The following SNTB2 variants were observed in gnomAD, a reference collection of about 807,000 sequenced individuals.
SNTB2 encodes beta-2-syntrophin.
In SNTB2, 34 loss-of-function variants were observed where a neutral mutation model predicts 46.2. That is an observed-to-expected ratio of 0.74 (90% CI 0.56 to 0.98). The LOEUF (loss-of-function observed/expected upper bound fraction) is 0.98, where lower values mean the gene tolerates loss of function less well. SNTB2 is among the 50% of genes least tolerant of loss of function. The pLI is 0.00. For missense variants in SNTB2, 603 were observed against 731.4 expected, an observed-to-expected ratio of 0.82 and a Z score of 2.02; for synonymous variants, 290 against 312.6, an observed-to-expected ratio of 0.93 and a Z score of 0.76.
chr16:69,206,607 C>G (rs1458465427), intron 1 of SNTB2, among the ~76,000 whole-genome samples: 1 of 150,584 alleles, frequency 6.6e-6, no homozygotes, highest in African/African-American at 2.4e-5. Flanking sequence ...AGGAGAATCG[C>G]TTGAACCTGG....
At chr16:69,189,866 C>T (rs1409264376) in intron 1 of SNTB2, among the ~76,000 whole-genome samples, 1 of 152,160 alleles carries the variant, frequency 6.6e-6, no homozygotes, top group Non-Finnish European at 1.5e-5. Context: ...TAAAATAGGC[C>T]ACGTGTGCTT....
At chr16:69,212,328 G>GTATTTATTTATT (rs71254073) in intron 1 of SNTB2, among the ~76,000 whole-genome samples, 16 of 150,792 alleles carry the variant, frequency 1.1e-4, no homozygotes, top group South Asian at 2.1e-4. Context: ...CTTTGTGTTT[G>GTATTTATTTATT]TATTTATTTA....
chr16:69,295,495 G>A (rs1239099311), intron 5 of SNTB2, among the ~76,000 whole-genome samples: 2 of 151,430 alleles, frequency 1.3e-5, no homozygotes, highest in Admixed American at 6.6e-5. Flanking sequence ...TGATCCACCC[G>A]CCTTGGCCTC....
chr16:69,187,570 AG>A lies in SNTB2; in HGVS notation c.405del (p.Asn136ThrfsTer31). The A allele has an allele frequency of 6.6e-7, 1 of 1,519,662 alleles. No individual in the cohort carries two copies. The highest frequency in any genetic ancestry group is 8.8e-7 in the Non-Finnish European group (1 of 1,136,550). 94.1% of individuals were successfully genotyped at this position (1,519,662 alleles called of 1,614,324 possible). On this transcript the variant is annotated frameshift_variant, in exon 1 of 7. Transcript: ENST00000336278. LOFTEE classifies it high-confidence loss of function. ...GLGISIKGGR[E>X]NRMPILISKI... The stretch of plus-strand genomic sequence containing the variant: ...GGCATCAGCATCAAGGGCGGCCGCG[AG>A]AACCGGATGCCGATCCTCATCTCCA...
intron 5 of SNTB2, among the ~76,000 whole-genome samples, chr16:69,293,804 C>T (rs1397568807): frequency 6.6e-6 from 1 of 152,066 alleles, no homozygotes; most frequent in Non-Finnish European, 1.5e-5. Flanking sequence ...CAATCCAAGG[C>T]ACAGGTGAGG....
At chr16:69,292,422 A>T (rs1258372089) in intron 5 of SNTB2, among the ~76,000 whole-genome samples, 2 of 5,580 alleles carry the variant, frequency 3.6e-4, no homozygotes, top group Non-Finnish European at 5.9e-4. Flanking sequence ...TATATATTAT[A>T]TATATATATA....
chr16:69,193,163 G>A (rs930511265), intron 1 of SNTB2, among the ~76,000 whole-genome samples: 1 of 151,554 alleles, frequency 6.6e-6, no homozygotes, highest in Non-Finnish European at 1.5e-5. Context: ...GGCAGAGGCA[G>A]TAGGATCACT....
At chr16:69,275,236 T>C (rs153046) in intron 4 of SNTB2, among the ~76,000 whole-genome samples, 150,205 of 152,174 alleles carry the variant, frequency 0.99, 74,141 homozygotes, top group Middle Eastern at 1. Flanking sequence ...CTATGCCAGG[T>C]TAATTTTTTA....
rs545276718 is a variant in SNTB2 at position 69,253,179 on chromosome 16, G to A, written c.795-6871G>A. ...CTCCCAAAGTGCTGGGATTACAGGC[G>A]TGAGCCACCACACCTGGCCCCCTTT... On this transcript the variant is annotated intron_variant, in intron 2 of 6. Transcript: ENST00000336278. 5.3e-5 allele frequency among the ~76,000 whole-genome samples: 8 copies of A among 151,688 alleles called. No homozygotes were observed. The South Asian group carries it at 8.4e-4, about 16-fold the overall frequency.
At chr16:69,237,524 A>C (rs1422328642) in intron 1 of SNTB2, among the ~76,000 whole-genome samples, 1 of 152,018 alleles carries the variant, frequency 6.6e-6, no homozygotes, top group Non-Finnish European at 1.5e-5. Context: ...CATCAGGTCA[A>C]GGGAGTGCTT....
chr16:69,278,594 T>C (rs1396528563), intron 4 of SNTB2, among the ~76,000 whole-genome samples: 1 of 152,100 alleles, frequency 6.6e-6, no homozygotes, highest in Admixed American at 6.6e-5. Flanking sequence ...TAGCTGGAAT[T>C]ACAGGTGTGC....
intron 2 of SNTB2, among the ~76,000 whole-genome samples, chr16:69,251,045 C>G (rs542580521): frequency 7.0e-6 from 1 of 142,242 alleles, no homozygotes; most frequent in African/African-American, 2.6e-5. Context: ...GTGGCGGGAT[C>G]TCGGCTCACT....
At chr16:69,223,398 T>C (rs1332472715) in intron 1 of SNTB2, among the ~76,000 whole-genome samples, 1 of 151,546 alleles carries the variant, frequency 6.6e-6, no homozygotes, top group Non-Finnish European at 1.5e-5. Flanking sequence ...TTTCGCCATG[T>C]TGGCCAGGCT....
intron 1 of SNTB2, among the ~76,000 whole-genome samples, chr16:69,211,073 T>C (rs1235952354): frequency 6.6e-6 from 1 of 152,116 alleles, no homozygotes; most frequent in Non-Finnish European, 1.5e-5. Flanking sequence ...AAGCATTCCT[T>C]TCACCTTGGC....
chr16:69,235,750 C>T (rs1567404110), intron 1 of SNTB2: 1 of 1,289,180 alleles, frequency 7.8e-7, no homozygotes, highest in Non-Finnish European at 1.0e-6. Context: ...GCTTTCAGGC[C>T]TATAATGAGG....
chr16:69,271,473 A>G (rs1167209382), intron 4 of SNTB2, among the ~76,000 whole-genome samples: 1 of 152,230 alleles, frequency 6.6e-6, no homozygotes, highest in South Asian at 2.1e-4. Context: ...TGACTTAGTC[A>G]TCTCAGCACT....
intron 2 of SNTB2, among the ~76,000 whole-genome samples, chr16:69,247,721 A>G (rs1314415391): frequency 6.6e-6 from 1 of 152,172 alleles, no homozygotes; most frequent in Non-Finnish European, 1.5e-5. Flanking sequence ...AAAAAAAGGG[A>G]TAATGGTACT....
chr16:69,233,573 G>A (rs907238633), intron 1 of SNTB2, among the ~76,000 whole-genome samples: 2 of 152,072 alleles, frequency 1.3e-5, no homozygotes, highest in African/African-American at 4.8e-5. Flanking sequence ...AAATGATACA[G>A]ATTTTAGGGG....
At chr16:69,250,554 T>G (rs1376850213) in intron 2 of SNTB2, among the ~76,000 whole-genome samples, 1 of 152,220 alleles carries the variant, frequency 6.6e-6, no homozygotes, top group Non-Finnish European at 1.5e-5. Flanking sequence ...CTCTGTAGAA[T>G]GGACATAATA....
Sources: allele counts gnomAD v4.1 joint callset (sites outside exome capture counted in the v4.1 genomes callset), GRCh38; gene constraint gnomAD v4.1.1; transcripts MANE v1.5; gene names NCBI Gene and HGNC (gene_info 2026-07-23, HGNC 2026-07-21).